The following NAV2 variants were observed in gnomAD, a reference collection of about 807,000 sequenced individuals.
NAV2 encodes the protein helicase, APC down-regulated 1.
NAV2 carries 54 observed loss-of-function variants against 223.2 expected under a neutral mutation model. The ratio of observed to expected loss-of-function variants is 0.24; its 90% CI spans 0.19 to 0.30. The LOEUF (loss-of-function observed/expected upper bound fraction) is 0.30, where lower values mean the gene tolerates loss of function less well. Ranked by LOEUF, NAV2 falls within the 10% of genes least tolerant of loss-of-function variation. NAV2 has a pLI of 1.00. For missense variants in NAV2, 2,806 were observed against 3,147.5 expected, an observed-to-expected ratio of 0.89 and a Z score of 2.60; for synonymous variants, 1,279 against 1,239.3, an observed-to-expected ratio of 1.03 and a Z score of -0.67.
intron 34 of NAV2, among the ~76,000 whole-genome samples, chr11:20,104,049 G>A (rs1758990249): frequency 6.6e-6 from 1 of 152,222 alleles, no homozygotes; most frequent in South Asian, 2.1e-4. Context: ...CTCTGGAAGG[G>A]ACTGCAGGTG....
chr11:19,494,519 A>G (rs2042731616), intron 1 of NAV2, among the ~76,000 whole-genome samples: 1 of 152,272 alleles, frequency 6.6e-6, no homozygotes, highest in Non-Finnish European at 1.5e-5. Context: ...TAAGACACAG[A>G]ATTAATGCCA....
chr11:19,688,539 A>G (rs2049084407), intron 1 of NAV2, among the ~76,000 whole-genome samples: 1 of 152,246 alleles, frequency 6.6e-6, no homozygotes, highest in Admixed American at 6.5e-5. Flanking sequence ...TATTTTCTGA[A>G]GCAAAACAAG....
At chr11:19,560,339 G>T (rs989083165) in intron 1 of NAV2, among the ~76,000 whole-genome samples, 3 of 152,212 alleles carry the variant, frequency 2.0e-5, no homozygotes, top group Non-Finnish European at 4.4e-5. Flanking sequence ...AGTTCTCACT[G>T]GGGTGCGGGG....
At position 20,119,221 on chromosome 11, in the gene NAV2, A is replaced by G. The variant is rs2063352639; in HGVS notation, c.*963A>G. 6.6e-6 allele frequency: 1 copy of G among 152,152 alleles called. No individual in the cohort carries two copies. The highest frequency in any genetic ancestry group is 2.4e-5 in the African/African-American group (1 of 41,472). 9.4% of individuals were successfully genotyped at this position (152,152 alleles called of 1,614,324 possible). A position where few individuals can be genotyped will look rare whatever the true frequency, so the allele number is the denominator to read the frequency against. On this transcript the variant is annotated 3_prime_UTR_variant, in exon 38 of 38. Coordinates refer to ENST00000349880, the MANE Select transcript of NAV2 (RefSeq NM_145117.5). ...CCCCTTCCCCTCTTGGTCAGAATCA[A>G]TCCTTTGGTGAAAGTAAGAACCGCA...
chr11:19,643,323 C>T (rs2047719409), intron 1 of NAV2, among the ~76,000 whole-genome samples: 1 of 120,734 alleles, frequency 8.3e-6, no homozygotes, highest in African/African-American at 3.1e-5. Context: ...CCTCCCCCCA[C>T]CCCACGACAG....
At chr11:19,997,277 A>C (rs2051998518) in intron 11 of NAV2, among the ~76,000 whole-genome samples, 1 of 152,156 alleles carries the variant, frequency 6.6e-6, no homozygotes, top group African/African-American at 2.4e-5. Flanking sequence ...GTGGAGCACT[A>C]TGTGGGGAGA....
chr11:19,823,439 C>T lies in NAV2; in HGVS notation c.268-9045C>T, dbSNP rs541978747. ...GCCAGGCTGTTCTCAACCTCCTGAC[C>T]TCAGGTGATCTGCCTACCTTGGCCT... On this transcript the variant is annotated intron_variant, in intron 1 of 37. Transcript: ENST00000349880. 4.6e-5 allele frequency among the ~76,000 whole-genome samples: 7 copies of T among 152,312 alleles called. No homozygotes were observed. The East Asian group carries it at 1.2e-3, about 25-fold the overall frequency.
intron 1 of NAV2, among the ~76,000 whole-genome samples, chr11:19,357,996 G>A (rs1590044192): frequency 6.6e-6 from 1 of 152,310 alleles, no homozygotes; most frequent in East Asian, 1.9e-4. Flanking sequence ...GTTACCTAGA[G>A]GTGGGTTACA....
chr11:19,993,861 G>T (rs1692967324), intron 11 of NAV2, among the ~76,000 whole-genome samples: 2 of 152,208 alleles, frequency 1.3e-5, no homozygotes, highest in Non-Finnish European at 2.9e-5. Context: ...GAAAATGCTG[G>T]TGATTGTTTA....
At chr11:19,376,818 C>A (rs1387074828) in intron 1 of NAV2, among the ~76,000 whole-genome samples, 1 of 152,178 alleles carries the variant, frequency 6.6e-6, no homozygotes, top group Non-Finnish European at 1.5e-5. Flanking sequence ...TAAGGGAAGG[C>A]TTCCTGGAGG....
Position 19,948,737 on chromosome 11 carries a change from G to A in NAV2, c.2302G>A (p.Gly768Ser). The A allele has an allele frequency of 6.2e-7, 1 of 1,602,714 alleles. No individual in the cohort carries two copies. Among genetic ancestry groups the A allele is most frequent in the East Asian group, 2.2e-5 (1 of 44,506 alleles). Reference sequence around the variant, plus strand: ...CACCAATGTCACCACGGAGATGAGTGGCCGTAGCATACTCAGCTTGACAGG... The same window carrying A: ...CACCAATGTCACCACGGAGATGAGTAGCCGTAGCATACTCAGCTTGACAGG... ...FDTNVTTEMS[G>S]RSILSLTGRP... The change falls in exon 10 of 38, where the codon GGC becomes AGC. Residue 768 changes from glycine to serine, a missense_variant. Gly to Ser is a moderately conservative substitution (Grantham distance 56). Transcript: ENST00000349880.
In NAV2 at chr11:20,118,598, A is replaced by AG; in HGVS notation, c.*341dup. 5.4e-6 allele frequency: 1 copy of AG among 184,660 alleles called. No homozygotes were observed. Among genetic ancestry groups the AG allele is most frequent in the Non-Finnish European group, 1.1e-5 (1 of 89,734 alleles). The allele number at this position is 184,660 out of a possible 1,614,324, so 11.4% of individuals were successfully genotyped here. On this transcript the variant is annotated 3_prime_UTR_variant, in exon 38 of 38. Transcript: ENST00000349880. ...AAGAGAGACAGAGAGAAAAAAAAAA[A>AG]GAGAACCCACATGAAGCTCTGAAAC...
intron 14 of NAV2, among the ~76,000 whole-genome samples, chr11:20,046,106 C>T (rs141983294): frequency 0.057 from 8,683 of 152,154 alleles, 295 homozygotes; most frequent in Middle Eastern, 0.088. Context: ...GAGGCCAAGG[C>T]GGGCAGATCA....
rs186749784 is a variant in NAV2, at chr11:19,592,667, T to G, written c.76-239817T>G. Among the ~76,000 whole-genome samples the G allele has an allele frequency of 2.0e-5, 3 of 152,280 alleles. No individual in the cohort carries two copies. The East Asian group carries it at 5.8e-4, about 29-fold the overall frequency. On this transcript the variant is annotated intron_variant, in intron 1 of 37. Coordinates refer to the NAV2 transcript ENST00000360655. Reference sequence around the variant, plus strand: ...ATGTCTGAGTTTCCCTATTCCCACCTGTAAAATAGGGATTTTTAAAAACTT... The same window carrying G: ...ATGTCTGAGTTTCCCTATTCCCACCGGTAAAATAGGGATTTTTAAAAACTT...
intron 1 of NAV2, among the ~76,000 whole-genome samples, chr11:19,621,637 C>T (rs2046998898): frequency 6.7e-6 from 1 of 149,126 alleles, no homozygotes; most frequent in South Asian, 2.1e-4. Flanking sequence ...CTATTTGATT[C>T]TTCTCTCATT....
intron 11 of NAV2, among the ~76,000 whole-genome samples, chr11:20,003,282 A>G (rs139223864): frequency 1.8e-4 from 28 of 152,302 alleles, no homozygotes; most frequent in Non-Finnish European, 2.9e-4. Context: ...ATCAGGATGG[A>G]TTCGGATGAC....
At chr11:19,939,499 A>T (rs541001004) in intron 7 of NAV2, among the ~76,000 whole-genome samples, 162 bp from the exon 8 acceptor site, 50 of 152,336 alleles carry the variant, frequency 3.3e-4, no homozygotes, top group Non-Finnish European at 6.0e-4. Context: ...ACATTGCTCC[A>T]CATACGGCTA....
Position 19,668,532 on chromosome 11 carries a change from C to CAAAAA in NAV2, c.76-163932_76-163928dup, listed in dbSNP as rs762975832. ...TGGGCAACAGAATGAGACTCGGTCT[C>CAAAAA]AAAAAAAAAAAAAAAAAAAAAAAAG... On this transcript the variant is annotated intron_variant, in intron 1 of 37. Coordinates refer to the NAV2 transcript ENST00000360655. Among the ~76,000 whole-genome samples the CAAAAA allele has an allele frequency of 4.4e-3, 284 of 64,288 alleles. 12 individuals carry two copies. The highest frequency in any genetic ancestry group is 5.5e-3 in the Admixed American group (23 of 4,218). 42.2% of individuals were successfully genotyped at this position (64,288 alleles called of 152,430 possible). A position where few individuals can be genotyped will look rare whatever the true frequency, so the allele number is the denominator to read the frequency against.
chr11:19,763,783 GTTTTTTTGTTTTTTTTGT>G (rs199856580), intron 1 of NAV2, among the ~76,000 whole-genome samples: 8 of 136,140 alleles, frequency 5.9e-5, no homozygotes, highest in African/African-American at 1.5e-4. Context: ...TTGTTTTTTT[GTTTTTTTGTTTTTTTTGT>G]TTTTTTTTTA....
Sources: gnomAD v4.1 joint callset for allele counts (sites outside exome capture counted in the v4.1 genomes callset) on GRCh38, gnomAD v4.1.1 for gene constraint, MANE v1.5 for transcripts, NCBI Gene and HGNC (gene_info 2026-07-23, HGNC 2026-07-21) for gene names.